PDE4D: variants seen among roughly 807,000 people sequenced by gnomAD.
PDE4D encodes the protein 3',5'-cyclic-AMP phosphodiesterase 4D.
Under a neutral mutation model 87.4 loss-of-function variants are expected in PDE4D, and 24 were observed. That is an observed-to-expected ratio of 0.27 (90% confidence interval 0.20 to 0.39). The LOEUF (loss-of-function observed/expected upper bound fraction) is 0.39, where lower values mean the gene tolerates loss of function less well. PDE4D is among the 10% of genes least tolerant of loss of function. The probability of loss-of-function intolerance (pLI) is 1.00; values close to 1 mark genes in which losing one functional copy is unlikely to be tolerated. For synonymous variants in PDE4D, 384 were observed against 383.2 expected, an observed-to-expected ratio of 1.00 and a Z score of -0.02; for missense variants, 714 against 1,041.0, an observed-to-expected ratio of 0.69 and a Z score of 4.32.
At chr5:60,218,032 A>G (rs1744066665) in intron 1 of PDE4D, among the ~76,000 whole-genome samples, 2 of 152,044 alleles carry the variant, frequency 1.3e-5, no homozygotes, top group African/African-American at 4.8e-5. Context: ...CAAACCAGCC[A>G]TGTTAACTCT....
At chr5:60,027,604 G>A (rs1436457021) in intron 2 of PDE4D, among the ~76,000 whole-genome samples, 1 of 152,094 alleles carries the variant, frequency 6.6e-6, no homozygotes, top group African/African-American at 2.4e-5. Context: ...TCTCTTGTCT[G>A]TCTCCCTCTC....
intron 1 of PDE4D, among the ~76,000 whole-genome samples, chr5:59,423,608 T>C (rs754065331): frequency 6.6e-6 from 1 of 152,058 alleles, no homozygotes; most frequent in Admixed American, 6.6e-5. Flanking sequence ...CATTTGGAAA[T>C]AGAAAATTAT....
At chr5:59,701,492 G>C (rs1371680298) in intron 1 of PDE4D, among the ~76,000 whole-genome samples, 1 of 152,220 alleles carries the variant, frequency 6.6e-6, no homozygotes, top group East Asian at 1.9e-4. Context: ...GAGTGAATGA[G>C]TGAGTGAGTG....
At chr5:59,269,811 C>A (rs915283148) in intron 1 of PDE4D, among the ~76,000 whole-genome samples, 2 of 151,836 alleles carry the variant, frequency 1.3e-5, no homozygotes, top group Non-Finnish European at 2.9e-5. Context: ...GATTTTATAT[C>A]TAAAAATTAC....
chr5:60,216,283 G>A (rs1430585471), intron 1 of PDE4D, among the ~76,000 whole-genome samples: 1 of 152,084 alleles, frequency 6.6e-6, no homozygotes, highest in African/African-American at 2.4e-5. Flanking sequence ...CCAGTTCTGA[G>A]AGCCAGAGAC....
chr5:59,080,293 T>C (rs1194718064), intron 5 of PDE4D, among the ~76,000 whole-genome samples: 1 of 152,238 alleles, frequency 6.6e-6, no homozygotes, highest in East Asian at 1.9e-4. Flanking sequence ...CCTGGCACTC[T>C]GTAGCCCTCA....
intron 1 of PDE4D, among the ~76,000 whole-genome samples, chr5:59,291,732 A>C (rs1768051834): frequency 8.5e-6 from 1 of 117,748 alleles, no homozygotes; most frequent in African/African-American, 3.1e-5. Context: ...AAAAAAGTAA[A>C]AAGAAGTTTT....
chr5:59,679,531 C>G (rs1748665781), intron 1 of PDE4D, among the ~76,000 whole-genome samples: 1 of 152,094 alleles, frequency 6.6e-6, no homozygotes, highest in Admixed American at 6.6e-5. Context: ...ATAGACATCC[C>G]ACAATATATG....
chr5:60,109,544 A>C (rs1007601704), intron 2 of PDE4D, among the ~76,000 whole-genome samples: 3 of 151,776 alleles, frequency 2.0e-5, no homozygotes, highest in Admixed American at 6.6e-5. Flanking sequence ...TCATGCTGCT[A>C]TAAAGACACA....
intron 2 of PDE4D, among the ~76,000 whole-genome samples, chr5:60,022,101 C>A (rs1297796734): frequency 6.6e-6 from 1 of 152,144 alleles, no homozygotes; most frequent in East Asian, 1.9e-4. Context: ...GTATTACTGG[C>A]TGCTGTCTTC....
At chr5:59,650,695 T>C (rs1182120014) in intron 1 of PDE4D, among the ~76,000 whole-genome samples, 2 of 152,240 alleles carry the variant, frequency 1.3e-5, no homozygotes, top group Non-Finnish European at 2.9e-5. Context: ...TTTAATGTTA[T>C]GGTCGATTTT....
rs114603617 is a variant in PDE4D at position 59,870,655 on chromosome 5, A to C, written c.455+22513T>G. On this transcript the variant is annotated intron_variant, in intron 1 of 14. Transcript: ENST00000340635. ...TTACAAAAATCAGGCTGGTGGCATC[A>C]AACATGTGGGCCATGGCCTCACTCC... Among the ~76,000 whole-genome samples, 542 of 152,344 alleles carry C rather than the reference A, an allele frequency of 3.6e-3. 5 individuals carry two copies. Among genetic ancestry groups the C allele is most frequent in the African/African-American group, 0.013 (520 of 41,570 alleles).
intron 1 of PDE4D, among the ~76,000 whole-genome samples, chr5:60,393,301 G>T (rs529447533): frequency 2.0e-5 from 3 of 152,300 alleles, no homozygotes; most frequent in Admixed American, 6.5e-5. Context: ...TGCCTGATTT[G>T]CCAAGAGAGG....
intron 5 of PDE4D, among the ~76,000 whole-genome samples, chr5:59,044,026 G>A (rs1354470708): frequency 6.6e-6 from 1 of 152,146 alleles, no homozygotes; most frequent in African/African-American, 2.4e-5. Context: ...ACGTGTGCAT[G>A]TGTCTTTATA....
In PDE4D at chr5:60,121,573, A is replaced by G. The variant is rs141636824; in HGVS notation, c.42+63984T>C. On this transcript the variant is annotated intron_variant, in intron 2 of 16. Transcript: ENST00000502484. ...TGATAAAACCATCAGATCTTGTGAG[A>G]CTTATTCACGACCACGAGAACAGTG... Among the ~76,000 whole-genome samples the G allele has an allele frequency of 3.1e-3, 478 of 152,244 alleles. 6 individuals carry two copies. The highest frequency in any genetic ancestry group is 0.027 in the East Asian group (137 of 5,166).
chr5:59,157,396 G>A (rs935593475), intron 5 of PDE4D: 9 of 701,810 alleles, frequency 1.3e-5, no homozygotes, highest in East Asian at 5.4e-5. Context: ...CAAGTGATCC[G>A]AAGACATTTT....
At chr5:59,109,814 A>G (rs570466253) in intron 5 of PDE4D, among the ~76,000 whole-genome samples, 1 of 152,314 alleles carries the variant, frequency 6.6e-6, no homozygotes, top group East Asian at 1.9e-4. Context: ...AACTGTGTCC[A>G]AGAGACTCCC....
chr5:60,325,242 G>T (rs946167224), intron 1 of PDE4D, among the ~76,000 whole-genome samples: 6 of 152,130 alleles, frequency 3.9e-5, no homozygotes, highest in African/African-American at 1.2e-4. Context: ...GGTCTGACAG[G>T]TTCTTCTGGG....
rs200388981 is a variant in PDE4D at position 60,293,533 on chromosome 5, A to AC, written c.-89-107847_-89-107846insG. ...TGTCTCAAAACAAACAAACAAACAA[A>AC]AAAAAGATGTAACCCACATCCTTAT... On this transcript the variant is annotated intron_variant, in intron 1 of 16. Transcript: ENST00000502484. Among the ~76,000 whole-genome samples, 33 of 152,196 alleles carry AC rather than the reference A, an allele frequency of 2.2e-4. No individual in the cohort carries two copies. In the East Asian group the frequency reaches 4.6e-3, roughly 21 times the overall value.
Sources: gnomAD v4.1 joint callset for allele counts (sites outside exome capture counted in the v4.1 genomes callset) on GRCh38, gnomAD v4.1.1 for gene constraint, MANE v1.5 for transcripts, NCBI Gene and HGNC (gene_info 2026-07-23, HGNC 2026-07-21) for gene names.